The following CBR4 variants were observed in gnomAD, a reference collection of about 807,000 sequenced individuals.
CBR4 encodes carbonyl reductase 4.
A neutral mutation model predicts 21.0 loss-of-function variants in CBR4; 22 were observed. The ratio of observed to expected loss-of-function variants is 1.05; its 90% CI spans 0.75 to 1.50. CBR4 has a LOEUF of 1.50. CBR4 is among the 40% of genes most tolerant of loss of function. CBR4 has a pLI of 0.00. For missense variants in CBR4, 302 were observed against 286.3 expected (o/e 1.05, Z -0.40); for synonymous variants, 100 against 104.4 (o/e 0.96, Z 0.26).
In CBR4 at chr4:168,895,492, G is replaced by A. The variant is rs551578588; in HGVS notation, n.170-727C>T. 5.9e-5 allele frequency among the ~76,000 whole-genome samples: 9 copies of A among 152,318 alleles called. No homozygotes were observed. The East Asian group carries it at 1.5e-3, about 26-fold the overall frequency. On this transcript the variant is annotated intron_variant and non_coding_transcript_variant, in intron 2 of 3. Transcript: ENST00000509108. Reference sequence around the variant, plus strand: ...CTGATAACAAAGAGTTGATTAACACGTATTCTGTATGTTATATGTATTATA... The same window carrying A: ...CTGATAACAAAGAGTTGATTAACACATATTCTGTATGTTATATGTATTATA...
chr4:168,948,459 G>A (rs1163683031), intron 2 of CBR4, among the ~76,000 whole-genome samples: 3 of 152,122 alleles, frequency 2.0e-5, no homozygotes, highest in African/African-American at 7.2e-5. Context: ...GTCTAGAAGG[G>A]TTTTTCCAAT....
At chr4:168,904,903 G>A (rs2151315257) in intron 2 of CBR4, among the ~76,000 whole-genome samples, 1 of 152,150 alleles carries the variant, frequency 6.6e-6, no homozygotes, top group South Asian at 2.1e-4. Flanking sequence ...GAGGCAGGTG[G>A]ATTGCCTCAG....
chr4:168,959,970 A>C (rs185636395), intron 2 of CBR4, among the ~76,000 whole-genome samples: 1 of 152,274 alleles, frequency 6.6e-6, no homozygotes. Context: ...ACGATATTGA[A>C]TCTTCCAACC....
In CBR4 at chr4:168,994,590, T is replaced by C. The variant is rs139104969; in HGVS notation, c.536-4262A>G. Among the ~76,000 whole-genome samples, 4 of 152,192 alleles carry C rather than the reference T, an allele frequency of 2.6e-5. No individual in the cohort carries two copies. The East Asian group carries it at 7.7e-4, about 29-fold the overall frequency. The stretch of plus-strand genomic sequence containing the variant: ...TTTTCTGTTTTTTCTTTTTTGCTTT[T>C]TTTCTTTTGAGACAGTCTGGCTCTG... On this transcript the variant is annotated intron_variant, in intron 4 of 4. Transcript: ENST00000306193.
intron 2 of CBR4, among the ~76,000 whole-genome samples, chr4:168,902,742 A>G (rs1219962952): frequency 6.6e-6 from 1 of 152,194 alleles, no homozygotes; most frequent in Non-Finnish European, 1.5e-5. Context: ...GGACTACTTA[A>G]AAATATTGTA....
intron 2 of CBR4, among the ~76,000 whole-genome samples, chr4:168,911,568 A>C (rs113989049): frequency 3.9e-5 from 6 of 152,332 alleles, no homozygotes; most frequent in African/African-American, 1.4e-4. Context: ...ATCTTGTATG[A>C]TGCATCAGTT....
intron 2 of CBR4, among the ~76,000 whole-genome samples, chr4:168,965,685 A>T (rs1028337719): frequency 1.3e-5 from 2 of 152,256 alleles, no homozygotes; most frequent in African/African-American, 2.4e-5. Flanking sequence ...TGCTGGGAAA[A>T]CTGGCTAGCC....
chr4:168,926,538 C>A, intron 2 of CBR4: 1 of 590,328 alleles, frequency 1.7e-6, no homozygotes, highest in Non-Finnish European at 2.9e-6. Context: ...CTTGATATAC[C>A]AAACTTAGTT....
intron 2 of CBR4, chr4:168,926,188 CTTAAT>C: frequency 1.3e-6 from 2 of 1,489,570 alleles, no homozygotes; most frequent in Admixed American, 2.3e-5. Context: ...GATTAAAAAT[CTTAAT>C]TTACTCTTTT....
At chr4:169,009,331 A>G (rs1286656102) in intron 1 of CBR4, among the ~76,000 whole-genome samples, 2 of 152,236 alleles carry the variant, frequency 1.3e-5, no homozygotes, top group Admixed American at 6.5e-5. Flanking sequence ...TTGGCAGAAC[A>G]AAGTTCAATT....
downstream of CBR4, among the ~76,000 whole-genome samples, chr4:168,987,028 T>C (rs760764024): frequency 3.3e-5 from 5 of 152,190 alleles, no homozygotes; most frequent in African/African-American, 2.4e-5. Flanking sequence ...CTTATTCAAA[T>C]TTCCAGGGAG....
intron 2 of CBR4, among the ~76,000 whole-genome samples, chr4:168,957,258 AT>A (rs1763714410): frequency 6.6e-6 from 1 of 152,122 alleles, no homozygotes; most frequent in South Asian, 2.1e-4. Flanking sequence ...ATTAAAAATG[AT>A]TTACTTACTC....
chr4:168,995,783 G>A (rs1174297741), intron 4 of CBR4, among the ~76,000 whole-genome samples: 3 of 152,130 alleles, frequency 2.0e-5, no homozygotes, highest in Non-Finnish European at 2.9e-5. Flanking sequence ...TTTCCAGTTT[G>A]GAGGACAGAC....
At chr4:168,972,371 A>T (rs1236084630) in intron 2 of CBR4, among the ~76,000 whole-genome samples, 1 of 152,174 alleles carries the variant, frequency 6.6e-6, no homozygotes, top group East Asian at 1.9e-4. Flanking sequence ...TGCTTTTGGC[A>T]ATATGGTCAT....
At position 169,002,212 on chromosome 4, in the gene CBR4, CAAAAAAAAAAAAAAA is replaced by C. The variant is rs60552620; in HGVS notation, c.401-22_401-8del. 19 of 1,016,974 alleles carry C rather than the reference CAAAAAAAAAAAAAAA, an allele frequency of 1.9e-5. No homozygotes were observed. The highest frequency in any genetic ancestry group is 8.0e-5 in the African/African-American group (3 of 37,590). The allele number at this position is 1,016,974 out of a possible 1,614,324, so 63.0% of individuals were successfully genotyped here. A position where few individuals can be genotyped will look rare whatever the true frequency, so the allele number is the denominator to read the frequency against. ...TTTAAGCCAACAATGCTTCCTAGGA[CAAAAAAAAAAAAAAA>C]AAAAAAAAAAGCGTATTAAATTCAA... On this transcript the variant is annotated splice_region_variant and splice_polypyrimidine_tract_variant and intron_variant, in intron 3 of 4. Transcript: ENST00000306193.
intron 2 of CBR4, among the ~76,000 whole-genome samples, chr4:168,953,246 GC>G (rs1399283674): frequency 6.6e-6 from 1 of 151,816 alleles, no homozygotes; most frequent in Non-Finnish European, 1.5e-5. Context: ...AATCCGAAAG[GC>G]CGGTCTTACT....
chr4:168,909,959 T>G (rs977941308), intron 2 of CBR4, among the ~76,000 whole-genome samples: 9 of 152,176 alleles, frequency 5.9e-5, no homozygotes, highest in Non-Finnish European at 1.3e-4. Context: ...TAGTAATATA[T>G]TTAGCCAATA....
At chr4:168,921,513 T>A in intron 2 of CBR4, 1 of 1,516,826 alleles carries the variant, frequency 6.6e-7, no homozygotes, top group Non-Finnish European at 9.0e-7. Flanking sequence ...AAAATTTACA[T>A]GTATTTCTTT....
chr4:168,951,942 T>G (rs1471638534), intron 2 of CBR4, among the ~76,000 whole-genome samples: 1 of 152,220 alleles, frequency 6.6e-6, no homozygotes, highest in Non-Finnish European at 1.5e-5. Flanking sequence ...TTGTGCTTCT[T>G]GTATTTGGAT....
Sources: gnomAD v4.1 joint callset for allele counts (sites outside exome capture counted in the v4.1 genomes callset) on GRCh38, gnomAD v4.1.1 for gene constraint, MANE v1.5 for transcripts, NCBI Gene and HGNC (gene_info 2026-07-23, HGNC 2026-07-21) for gene names.